The following PLEKHA5 variants were observed in gnomAD, a reference collection of about 807,000 sequenced individuals.
PLEKHA5 encodes the protein pleckstrin homology domain containing A5.
A neutral mutation model predicts 181.9 loss-of-function variants in PLEKHA5; 55 were observed. That is an observed-to-expected ratio of 0.30 (90% CI 0.24 to 0.38). The LOEUF (loss-of-function observed/expected upper bound fraction) is 0.38, where lower values mean the gene tolerates loss of function less well. PLEKHA5 is among the 10% of genes least tolerant of loss of function. The probability of loss-of-function intolerance (pLI) is 1.00; values close to 1 mark genes in which losing one functional copy is unlikely to be tolerated. For synonymous variants in PLEKHA5, 535 were observed against 529.4 expected (o/e 1.01, Z -0.15); for missense variants, 1,432 against 1,549.5 (o/e 0.92, Z 1.27).
intron 11 of PLEKHA5, among the ~76,000 whole-genome samples, chr12:19,281,121 A>AGCTACTTAGGAG (rs1181598935): frequency 6.6e-6 from 1 of 151,888 alleles, no homozygotes; most frequent in Non-Finnish European, 1.5e-5. Flanking sequence ...CTGTAGTCCT[A>AGCTACTTAGGAG]GCTACTTAGG....
In PLEKHA5 at chr12:19,130,146, A is replaced by G; in HGVS notation, c.169+16A>G. On this transcript the variant is annotated intron_variant, in intron 2 of 31. Coordinates refer to ENST00000429027, the MANE Select transcript of PLEKHA5 (RefSeq NM_001256470.2). This position sits in a 1 kb window ranked among gnomAD's most constrained non-coding sequence, Gnocchi z 4.5. ...CAGAGCACAGGTAACGCCGGGCCCA[A>G]ACGGAGTTGGGCTCCGCCTGGAGGA... The G allele has an allele frequency of 3.3e-6, 5 of 1,528,460 alleles. No homozygotes were observed. The highest frequency in any genetic ancestry group is 4.4e-6 in the Non-Finnish European group (5 of 1,132,318). The allele number at this position is 1,528,460 out of a possible 1,614,324, so 94.7% of individuals were successfully genotyped here. A position where few individuals can be genotyped will look rare whatever the true frequency, so the allele number is the denominator to read the frequency against.
chr12:19,349,241 A>G (rs1256399526), intron 25 of PLEKHA5, among the ~76,000 whole-genome samples: 1 of 151,924 alleles, frequency 6.6e-6, no homozygotes, highest in Non-Finnish European at 1.5e-5. Context: ...TCAGCCTTCC[A>G]AGTAGCTGGG....
intron 15 of PLEKHA5, chr12:19,307,035 G>T: frequency 6.8e-7 from 1 of 1,479,410 alleles, no homozygotes; most frequent in Non-Finnish European, 9.4e-7. Context: ...CCCTTGCTGC[G>T]CTTGGGCTTC....
chr12:19,346,871 G>T, intron 23 of PLEKHA5, 123 bp from the exon 24 acceptor site: 4 of 576,632 alleles, frequency 6.9e-6, no homozygotes, highest in South Asian at 9.7e-5. Context: ...TTAGACTTTT[G>T]GCTTGGCAGT....
chr12:19,318,083 G>A (rs989324765), intron 16 of PLEKHA5, among the ~76,000 whole-genome samples: 1 of 151,500 alleles, frequency 6.6e-6, no homozygotes, highest in African/African-American at 2.4e-5. Context: ...TTCATGTTGA[G>A]GACAAAATAG....
intron 15 of PLEKHA5, among the ~76,000 whole-genome samples, chr12:19,298,274 T>C (rs2080452353): frequency 6.6e-6 from 1 of 152,058 alleles, no homozygotes; most frequent in African/African-American, 2.4e-5. Context: ...ATAATAATAA[T>C]GGCAGAACTG....
chr12:19,281,811 T>G (rs746439500), intron 11 of PLEKHA5, among the ~76,000 whole-genome samples: 19 of 151,918 alleles, frequency 1.3e-4, no homozygotes, highest in Non-Finnish European at 2.2e-4. Context: ...AGATGGAGTC[T>G]CACTCTGTCG....
chr12:19,250,034 T>A (rs1414155854), intron 3 of PLEKHA5, among the ~76,000 whole-genome samples: 3 of 152,188 alleles, frequency 2.0e-5, no homozygotes, highest in African/African-American at 4.8e-5. Context: ...CCCTGGCCTC[T>A]ACCCACTAGA....
intron 3 of PLEKHA5, among the ~76,000 whole-genome samples, chr12:19,189,733 A>G (rs1243564461): frequency 6.6e-6 from 1 of 152,210 alleles, no homozygotes; most frequent in Non-Finnish European, 1.5e-5. Flanking sequence ...ACCATTAAAC[A>G]GACTGCTCTC....
rs548608461 is a variant in PLEKHA5, at chr12:19,289,273, A to G, written c.1864-1404A>G. ...TACCCAGTTTTATCTAAGGAATCCA[A>G]TAGTAACTTCTGCTAACACTTTTTC... is the stretch of plus-strand genomic sequence containing the variant. On this transcript the variant is annotated intron_variant, in intron 13 of 31. Transcript: ENST00000429027. 1.9e-4 allele frequency among the ~76,000 whole-genome samples: 29 copies of G among 152,364 alleles called. No individual in the cohort carries two copies. In the South Asian group the frequency reaches 3.7e-3, roughly 20 times the overall value.
At chr12:19,188,817 T>C (rs1449349087) in intron 3 of PLEKHA5, among the ~76,000 whole-genome samples, 1 of 152,258 alleles carries the variant, frequency 6.6e-6, no homozygotes, top group African/African-American at 2.4e-5. Context: ...TTTGCATTTA[T>C]AATTTATGTG....
chr12:19,129,880 C>T lies in PLEKHA5; in HGVS notation c.81C>T (p.Phe27=), dbSNP rs753641333. The change falls in exon 1 of 32, where the codon TTC becomes TTT. Residue 27 remains phenylalanine, a synonymous_variant. Transcript: ENST00000429027. Reference sequence around the variant, plus strand: ...GGATCACCAGGGGCGGCCGAGTCTTCTTCATCAAGTAAAGAGCCGGGGACG... The same window carrying T: ...GGATCACCAGGGGCGGCCGAGTCTTTTTCATCAAGTAAAGAGCCGGGGACG... ...TYGITRGGRV[F]FINEEAKSTT... is the part of the protein sequence containing the mutation. The T allele has an allele frequency of 5.7e-5, 91 of 1,602,404 alleles. No homozygotes were observed. Among genetic ancestry groups the T allele is most frequent in the Non-Finnish European group, 7.0e-5 (82 of 1,175,032 alleles).
chr12:19,248,488 AT>A (rs2064363995), intron 3 of PLEKHA5, among the ~76,000 whole-genome samples: 1 of 152,024 alleles, frequency 6.6e-6, no homozygotes, highest in Non-Finnish European at 1.5e-5. Context: ...TTAATACCAT[AT>A]TTTTTAATGT....
intron 3 of PLEKHA5, among the ~76,000 whole-genome samples, chr12:19,140,951 G>A (rs374427158): frequency 6.6e-5 from 10 of 152,180 alleles, no homozygotes; most frequent in South Asian, 4.2e-4. Context: ...CACTACGCCC[G>A]GCTAATTTTT....
At chr12:19,359,280 A>G (rs1303238808) in intron 27 of PLEKHA5, 132 bp from the exon 28 acceptor site, 11 of 675,908 alleles carry the variant, frequency 1.6e-5, no homozygotes, top group Non-Finnish European at 2.7e-5. Flanking sequence ...TTTCTTTGTT[A>G]GTTTTCATAG....
At chr12:19,336,663 G>T (rs2093447819) in intron 21 of PLEKHA5, 47 bp downstream of exon 21, 1 of 1,036,732 alleles carries the variant, frequency 9.6e-7, no homozygotes, top group Non-Finnish European at 1.5e-6. Context: ...GTTTTTACTG[G>T]TACTGTACAA....
intron 15 of PLEKHA5, among the ~76,000 whole-genome samples, chr12:19,299,156 A>G (rs1359007388): frequency 6.6e-6 from 1 of 152,224 alleles, no homozygotes; most frequent in Non-Finnish European, 1.5e-5. Flanking sequence ...AAGTGCCTGG[A>G]GTTCTATTAT....
At chr12:19,195,640 T>C (rs2052503062) in intron 3 of PLEKHA5, among the ~76,000 whole-genome samples, 1 of 123,130 alleles carries the variant, frequency 8.1e-6, no homozygotes, top group Non-Finnish European at 1.6e-5. Context: ...GCCATTGCAC[T>C]CCAGCCTGGG....
chr12:19,229,211 G>T (rs1187127373), intron 3 of PLEKHA5, among the ~76,000 whole-genome samples: 2 of 152,150 alleles, frequency 1.3e-5, no homozygotes, highest in African/African-American at 4.8e-5. Context: ...CAGGCAGATG[G>T]TCTTGGTTAG....
Sources: allele counts gnomAD v4.1 joint callset (sites outside exome capture counted in the v4.1 genomes callset), GRCh38; gene constraint gnomAD v4.1.1; non-coding constraint Gnocchi (gnomAD v3.1); transcripts MANE v1.5; gene names NCBI Gene and HGNC (gene_info 2026-07-23, HGNC 2026-07-21).